The following RABGAP1L variants were observed in gnomAD, a reference collection of about 807,000 sequenced individuals.
The protein encoded by RABGAP1L is RAB GTPase activating protein 1 like.
Under a neutral mutation model 137.7 loss-of-function variants are expected in RABGAP1L, and 63 were observed. That is an observed-to-expected ratio of 0.46 (90% CI 0.37 to 0.56). The LOEUF (loss-of-function observed/expected upper bound fraction) is 0.56, where lower values mean the gene tolerates loss of function less well. RABGAP1L is among the 20% of genes least tolerant of loss of function. The pLI, the probability that RABGAP1L is intolerant of heterozygous loss-of-function variation, is 0.00. For synonymous variants in RABGAP1L, 431 were observed against 433.7 expected, an observed-to-expected ratio of 0.99 and a Z score of 0.08; for missense variants, 1,095 against 1,244.0, an observed-to-expected ratio of 0.88 and a Z score of 1.80.
chr1:174,662,346 C>G (rs756212890), intron 14 of RABGAP1L, among the ~76,000 whole-genome samples: 3 of 151,044 alleles, frequency 2.0e-5, no homozygotes, highest in Non-Finnish European at 4.4e-5. Context: ...TCAAGTGATC[C>G]ATCCGCCTTG....
chr1:174,878,925 G>GTTTTTTTTTTTTT (rs869251284), intron 19 of RABGAP1L, among the ~76,000 whole-genome samples: 2 of 85,184 alleles, frequency 2.3e-5, no homozygotes, highest in Non-Finnish European at 4.3e-5. Flanking sequence ...TTTGTGCATT[G>GTTTTTTTTTTTTT]TTTTTTTTTT....
At chr1:174,234,512 A>T (rs1670980281) in intron 4 of RABGAP1L, among the ~76,000 whole-genome samples, 1 of 144,718 alleles carries the variant, frequency 6.9e-6, no homozygotes, top group East Asian at 1.9e-4. Context: ...AGCACCATTT[A>T]TTAAATAGGG....
intron 13 of RABGAP1L, chr1:174,548,408 TGAA>T: frequency 1.0e-6 from 1 of 978,122 alleles, no homozygotes; most frequent in Non-Finnish European, 1.2e-6. Context: ...GTGGAAATAA[TGAA>T]GAAACTCTGA....
intron 13 of RABGAP1L, among the ~76,000 whole-genome samples, chr1:174,635,021 C>T (rs1673838434): frequency 6.8e-6 from 1 of 146,828 alleles, no homozygotes; most frequent in South Asian, 2.1e-4. Context: ...TACCCTAAAA[C>T]TTAAAGTATA....
At chr1:174,173,547 G>A (rs1470898103) in intron 1 of RABGAP1L, among the ~76,000 whole-genome samples, 1 of 152,068 alleles carries the variant, frequency 6.6e-6, no homozygotes, top group Non-Finnish European at 1.5e-5. Context: ...TCCTGAGTGT[G>A]CATTTTGAGA....
chr1:174,757,199 C>T (rs977848128), intron 18 of RABGAP1L: 2 of 279,458 alleles, frequency 7.2e-6, no homozygotes, highest in Non-Finnish European at 1.5e-5. Context: ...ATACCTCAAG[C>T]CACTAGAACT....
chr1:174,486,256 G>T (rs1211570986), intron 13 of RABGAP1L, among the ~76,000 whole-genome samples: 11 of 72,288 alleles, frequency 1.5e-4, no homozygotes, highest in East Asian at 4.0e-4. Flanking sequence ...CTAAATGTTT[G>T]TCAATTTTGT....
intron 13 of RABGAP1L, among the ~76,000 whole-genome samples, chr1:174,582,949 T>C (rs1483844223): frequency 1.3e-5 from 2 of 152,216 alleles, no homozygotes; most frequent in Non-Finnish European, 2.9e-5. Flanking sequence ...CTATGGCGTA[T>C]GTATTATACA....
intron 19 of RABGAP1L, among the ~76,000 whole-genome samples, chr1:174,911,770 G>A (rs563232543): frequency 1.3e-5 from 2 of 152,304 alleles, no homozygotes; most frequent in East Asian, 1.9e-4. Context: ...CCTTGATGGC[G>A]TAGAATGGCC....
At chr1:174,440,492 T>A (rs375123697) in intron 13 of RABGAP1L, among the ~76,000 whole-genome samples, 13 of 152,202 alleles carry the variant, frequency 8.5e-5, no homozygotes, top group African/African-American at 3.1e-4. Context: ...AGGAAATAGG[T>A]AAATTCTGAA....
intron 17 of RABGAP1L, among the ~76,000 whole-genome samples, chr1:174,740,249 T>C (rs761098836): frequency 7.2e-5 from 11 of 152,198 alleles, no homozygotes; most frequent in Non-Finnish European, 4.4e-5. Flanking sequence ...TTTTCAATGT[T>C]ATTCTCTTAA....
At chr1:174,750,653 GAGTAGCAAACTAGCTTAGGATAA>G in intron 17 of RABGAP1L, among the ~76,000 whole-genome samples, 1 of 152,312 alleles carries the variant, frequency 6.6e-6, no homozygotes, top group East Asian at 1.9e-4. Flanking sequence ...AGGAAAGGAG[GAGTAGCAAACTAGCTTAGGATAA>G]AGGACCAGAG....
chr1:174,803,599 AATCAC>A (rs908332277), intron 18 of RABGAP1L, among the ~76,000 whole-genome samples: 1 of 152,010 alleles, frequency 6.6e-6, no homozygotes, highest in Non-Finnish European at 1.5e-5. Context: ...TAAGAAAGAG[AATCAC>A]ATTTAGATTT....
At chr1:174,877,560 A>AG (rs1383369844) in intron 19 of RABGAP1L, 5 of 1,613,902 alleles carry the variant, frequency 3.1e-6, no homozygotes, top group Non-Finnish European at 4.2e-6. Flanking sequence ...TGCACGATGA[A>AG]GACTTCCTCA....
intron 10 of RABGAP1L, among the ~76,000 whole-genome samples, chr1:174,299,235 A>G (rs949213850): frequency 6.6e-6 from 1 of 152,218 alleles, no homozygotes; most frequent in Admixed American, 6.5e-5. Flanking sequence ...GAGCCTAATC[A>G]TGGGTTTGTA....
chr1:174,881,581 C>G (rs745421409), intron 19 of RABGAP1L, among the ~76,000 whole-genome samples: 9 of 143,816 alleles, frequency 6.3e-5, no homozygotes, highest in Non-Finnish European at 1.0e-4. Context: ...ATCATTGCAA[C>G]CTTCGCCTCC....
chr1:174,191,733 A>C (rs1316452042), intron 1 of RABGAP1L, among the ~76,000 whole-genome samples: 2 of 152,116 alleles, frequency 1.3e-5, no homozygotes, highest in African/African-American at 4.8e-5. Flanking sequence ...TACTGCCCTG[A>C]TGGTTTTTAT....
At chr1:174,709,844 T>A (rs990661131) in intron 17 of RABGAP1L, among the ~76,000 whole-genome samples, 1 of 152,176 alleles carries the variant, frequency 6.6e-6, no homozygotes, top group Non-Finnish European at 1.5e-5. Context: ...TTGACATAAG[T>A]AGGCTTCAGA....
chr1:174,195,258 C>A (rs1360304774), intron 1 of RABGAP1L, among the ~76,000 whole-genome samples: 1 of 152,130 alleles, frequency 6.6e-6, no homozygotes, highest in Non-Finnish European at 1.5e-5. Flanking sequence ...AACTTGATTC[C>A]TCTTGGCCCT....
Sources: allele counts gnomAD v4.1 joint callset (sites outside exome capture counted in the v4.1 genomes callset), GRCh38; gene constraint gnomAD v4.1.1; transcripts MANE v1.5; gene names NCBI Gene and HGNC (gene_info 2026-07-23, HGNC 2026-07-21).